Variants in PSD4 observed in about 807,000 individuals in gnomAD.
PSD4 encodes the protein PH and SEC7 domain-containing protein 4.
A neutral mutation model predicts 112.5 loss-of-function variants in PSD4; 59 were observed. That is an observed-to-expected ratio of 0.52 (90% CI 0.43 to 0.65). The LOEUF (loss-of-function observed/expected upper bound fraction) is 0.65. PSD4 is among the 30% of genes least tolerant of loss of function. The probability of loss-of-function intolerance (pLI) is 0.00; values close to 1 mark genes in which losing one functional copy is unlikely to be tolerated. For synonymous variants in PSD4, 533 were observed against 540.0 expected, an observed-to-expected ratio of 0.99 and a Z score of 0.18; for missense variants, 1,267 against 1,352.6, an observed-to-expected ratio of 0.94 and a Z score of 0.99.
At chr2:113,193,500 G>T in intron 8 of PSD4, 92 bp from the exon 9 acceptor site, 5 of 1,508,458 alleles carry the variant, frequency 3.3e-6, no homozygotes, top group South Asian at 1.1e-5. Context: ...AGCATTCCAG[G>T]GGTTATTCGG....
intron 2 of PSD4, among the ~76,000 whole-genome samples, chr2:113,184,167 TA>T (rs1364595614): frequency 1.4e-4 from 22 of 152,132 alleles, no homozygotes; most frequent in Non-Finnish European, 5.9e-5. Flanking sequence ...CTCAATATGG[TA>T]GAGTGTGGCT....
Position 113,197,824 on chromosome 2 carries a change from G to A in PSD4, c.2535G>A (p.Ser845=), listed in dbSNP as rs1340548095. The A allele has an allele frequency of 3.1e-6, 5 of 1,610,554 alleles. No homozygotes were observed. The highest frequency in any genetic ancestry group is 1.8e-4 in the Middle Eastern group (1 of 5,592). The stretch of plus-strand genomic sequence containing the variant: ...ATGAGCCCGTGGGGGTGCACCACTC[G>A]CTGGCCACCCCCGCCACGCATTACA... ...MVDEPVGVHH[S]LATPATHYTK... The change falls in exon 14 of 17, where the codon TCG becomes TCA. Residue 845 remains serine, a synonymous_variant. Coordinates refer to ENST00000245796, the MANE Select transcript of PSD4 (RefSeq NM_012455.3).
rs370284646 is a variant in PSD4, at chr2:113,195,769, G to T, written c.2224G>T (p.Val742Leu). Residue 742 changes from valine (V) to leucine (L), a missense_variant and splice_region_variant, in exon 11 of 17, where the codon GTG becomes TTG. Transcript: ENST00000245796. ...SIRSEKLEWA[V>L]DEEDTARPEK... ...CCGCAGCGAGAAGCTCGAGTGGGCC[G>T]TGTGAGTGAGACTCCCTTTCCCCTC... 17 of 1,614,152 alleles carry T rather than the reference G, an allele frequency of 1.1e-5. No homozygotes were observed. The African/African-American group carries it at 2.1e-4, about 20-fold the overall frequency.
At chr2:113,199,328 G>A (rs1558659625) in intron 16 of PSD4, 102 bp downstream of exon 16, 4 of 1,263,872 alleles carry the variant, frequency 3.2e-6, no homozygotes, top group Non-Finnish European at 2.0e-6. Context: ...CCGCGCCGGG[G>A]CGGGGAGAGG....
rs200766635 is a variant in PSD4, at chr2:113,197,534, T to A, written c.2387-30T>A. 2,694 of 1,613,632 alleles carry A rather than the reference T, an allele frequency of 1.7e-3. 42 individuals carry two copies. In the East Asian group the frequency reaches 0.042, roughly 25 times the overall value. ...GTGTCTGGATGCTGGTGCCCCCACCTACAACATTTGTGTTCTGTTCCTGGA... is the reference window on the plus strand; with the variant it reads ...GTGTCTGGATGCTGGTGCCCCCACCAACAACATTTGTGTTCTGTTCCTGGA... On this transcript the variant is annotated intron_variant, in intron 12 of 16. Transcript: ENST00000245796.
intron 5 of PSD4, among the ~76,000 whole-genome samples, chr2:113,187,650 C>T (rs45584931): frequency 0.026 from 3,920 of 152,332 alleles, 155 homozygotes; most frequent in African/African-American, 0.089. Context: ...GACTCTTCTG[C>T]TTCCCCCACA....
chr2:113,187,060 C>A (rs1166791787), intron 5 of PSD4, among the ~76,000 whole-genome samples: 1 of 152,162 alleles, frequency 6.6e-6, no homozygotes. Flanking sequence ...AATGGTGGGG[C>A]CCGGAGGAGC....
chr2:113,182,509 A>G lies in PSD4; in HGVS notation c.53A>G (p.Asn18Ser). Residue 18 changes from asparagine (N) to serine (S), a missense_variant, in exon 2 of 17, where the codon AAC (asparagine) becomes AGC (serine). Coordinates refer to ENST00000245796, the MANE Select transcript of PSD4 (RefSeq NM_012455.3). The stretch of plus-strand genomic sequence containing the variant: ...CACCCCCAGCCCATGGAAATTCTCA[A>G]CCTGTACTTGGGAGACAGCCTGGAG... Reference protein sequence around the residue: ...PDHPQPMEILNLYLGDSLEPH... With the variant: ...PDHPQPMEILSLYLGDSLEPH... The G allele has an allele frequency of 1.9e-6, 3 of 1,614,014 alleles. No individual in the cohort carries two copies. The highest frequency in any genetic ancestry group is 1.1e-5 in the South Asian group (1 of 91,078).
rs143997394 is a variant in PSD4 at position 113,183,257 on chromosome 2, C to T, written c.801C>T (p.Ser267=). The T allele has an allele frequency of 2.8e-4, 459 of 1,614,150 alleles. 1 individual carries two copies. Among genetic ancestry groups the T allele is most frequent in the Admixed American group, 6.7e-4 (40 of 60,024 alleles). ...ACAGTGCTTCTGGAGAGTGCTTTTC[C>T]TGGGGGGCTTCAGACTCCCATGCAG... The part of the protein sequence containing the change: ...SENSASGECF[S]WGASDSHAGV... Residue 267 remains serine (S), a synonymous_variant, in exon 2 of 17, where the codon TCC becomes TCT. Coordinates refer to ENST00000245796, the MANE Select transcript of PSD4 (RefSeq NM_012455.3).
intron 5 of PSD4, among the ~76,000 whole-genome samples, chr2:113,189,782 T>C (rs1462857112): frequency 2.0e-5 from 3 of 152,222 alleles, no homozygotes; most frequent in Non-Finnish European, 4.4e-5. Context: ...GAGCATTTTT[T>C]CATATATTTG....
rs150124674 is a variant in PSD4 at position 113,193,635 on chromosome 2, G to A, written c.2076G>A (p.Thr692=). Residue 692 remains threonine, a synonymous_variant, in exon 9 of 17, where the codon ACG becomes ACA. Transcript: ENST00000245796. ...TLTCAIMLLN[T]DLHGQNIGKS... ...CATGTGCAATCATGCTGCTTAACAC[G>A]GACCTGCATGGACAGGTAAGACGGT... 67 of 1,613,436 alleles carry A rather than the reference G, an allele frequency of 4.2e-5. No individual in the cohort carries two copies. In the African/African-American group the frequency reaches 7.2e-4, roughly 17 times the overall value.
At chr2:113,180,181 A>G (rs1048681826) in intron 1 of PSD4, among the ~76,000 whole-genome samples, 1 of 152,172 alleles carries the variant, frequency 6.6e-6, no homozygotes, top group African/African-American at 2.4e-5. Context: ...GCTGAGGGTT[A>G]CCATTTACTG....
Position 113,185,909 on chromosome 2 carries a change from C to G in PSD4, c.1282C>G (p.Leu428Val). The G allele has an allele frequency of 6.2e-7, 1 of 1,613,050 alleles. No homozygotes were observed. Among genetic ancestry groups the G allele is most frequent in the South Asian group, 1.1e-5 (1 of 90,946 alleles). Reference protein sequence around the residue: ...EREGGHPQESLPCTLAPCPWR... With the variant: ...EREGGHPQESVPCTLAPCPWR... ...GGAGGGTGGACACCCCCAGGAATCT[C>G]TTCCCTGCACCTTGGCCCCCTGCCC... Residue 428 changes from leucine to valine, a missense_variant, in exon 5 of 17, where the codon CTT becomes GTT. This residue lies in a region of PSD4 where 723 missense variants were observed against 704.0 expected (regional missense o/e 1.03). Coordinates refer to ENST00000245796, the MANE Select transcript of PSD4 (RefSeq NM_012455.3).
intron 4 of PSD4, 189 bp from the exon 5 acceptor site, chr2:113,185,688 G>A (rs1688278317): frequency 1.3e-6 from 2 of 1,548,440 alleles, no homozygotes; most frequent in Non-Finnish European, 1.7e-6. Flanking sequence ...TTAGTTGCCT[G>A]GAGGCTTGAG....
At position 113,203,180 on chromosome 2, in the gene PSD4, C is replaced by T. The variant is rs1026901753; in HGVS notation, c.*1765C>T. 6.6e-6 allele frequency: 1 copy of T among 152,158 alleles called. No homozygotes were observed. Among genetic ancestry groups the T allele is most frequent in the Non-Finnish European group, 1.5e-5 (1 of 68,044 alleles). The allele number at this position is 152,158 out of a possible 1,614,324, so 9.4% of individuals were successfully genotyped here. A position where few individuals can be genotyped will look rare whatever the true frequency, so the allele number is the denominator to read the frequency against. ...GATAATATGGGACGCTTTCTATGTG[C>T]CAGTACCAGGGGATTCACAAATGAA... On this transcript the variant is annotated 3_prime_UTR_variant, in exon 17 of 17. Coordinates refer to ENST00000245796, the MANE Select transcript of PSD4 (RefSeq NM_012455.3).
At chr2:113,185,758 A>G in intron 4 of PSD4, 119 bp from the exon 5 acceptor site, 1 of 1,550,112 alleles carries the variant, frequency 6.5e-7, no homozygotes, top group Non-Finnish European at 8.7e-7. Context: ...CCGAGGGAGG[A>G]CAGGGCATGC....
In PSD4 at chr2:113,182,611, C is replaced by T. The variant is rs1558886705; in HGVS notation, c.155C>T (p.Ala52Val). The T allele has an allele frequency of 1.2e-6, 2 of 1,613,976 alleles. No homozygotes were observed. Among genetic ancestry groups the T allele is most frequent in the African/African-American group, 1.3e-5 (1 of 75,058 alleles). The change falls in exon 2 of 17, where the codon GCC becomes GTC. Residue 52 changes from alanine to valine, a missense_variant. Physicochemically the swap from Ala to Val is moderately conservative, Grantham distance 64. Transcript: ENST00000245796. ...PPEPFEEQTW[A>V]TDPPEPTRQN... is the part of the protein sequence containing the mutation. ...GAGCCTTTCGAGGAGCAAACCTGGG[C>T]CACTGACCCTCCTGAACCTACCAGA... is the stretch of plus-strand genomic sequence containing the variant.
Position 113,185,858 on chromosome 2 carries a change from A to G in PSD4, c.1250-19A>G. ...CTGCCTCCTGCCCTGTGCCCGCCTCACTTCATGTTCTTCCTCAGATGAGAG... is the reference window on the plus strand; with the variant it reads ...CTGCCTCCTGCCCTGTGCCCGCCTCGCTTCATGTTCTTCCTCAGATGAGAG... On this transcript the variant is annotated intron_variant, in intron 4 of 16. Coordinates refer to ENST00000245796, the MANE Select transcript of PSD4 (RefSeq NM_012455.3). 6.2e-7 allele frequency: 1 copy of G among 1,603,100 alleles called. No homozygotes were observed. The highest frequency in any genetic ancestry group is 8.5e-7 in the Non-Finnish European group (1 of 1,174,870).
chr2:113,197,957 C>G (rs1688660727), intron 14 of PSD4, 44 bp downstream of exon 14: 1 of 1,495,918 alleles, frequency 6.7e-7, no homozygotes, highest in Admixed American at 2.2e-5. Context: ...CTTGCCCTGC[C>G]CTAGTTCTCT....
Sources: allele counts gnomAD v4.1 joint callset (sites outside exome capture counted in the v4.1 genomes callset), GRCh38; gene constraint gnomAD v4.1.1; regional missense constraint gnomAD v4.1.1; transcripts MANE v1.5; gene names NCBI Gene and HGNC (gene_info 2026-07-23, HGNC 2026-07-21).